Variants in ASAP2 observed in about 807,000 individuals in gnomAD.
ASAP2 encodes ArfGAP with SH3 domain, ankyrin repeat and PH domain 2.
In ASAP2, 45 loss-of-function variants were observed where a neutral mutation model predicts 131.4. That is an observed-to-expected ratio of 0.34 (90% confidence interval 0.27 to 0.44). The LOEUF (loss-of-function observed/expected upper bound fraction) is 0.44, where lower values mean the gene tolerates loss of function less well. Ranked by LOEUF, ASAP2 falls within the 20% of genes least tolerant of loss-of-function variation. ASAP2 has a pLI of 1.00. For synonymous variants in ASAP2, 510 were observed against 503.0 expected (o/e 1.01, Z -0.19); for missense variants, 1,011 against 1,297.0 (o/e 0.78, Z 3.39).
intron 26 of ASAP2, 45 bp downstream of exon 26, chr2:9,400,875 G>A (rs368550288): frequency 1.3e-6 from 2 of 1,572,650 alleles, no homozygotes; most frequent in Non-Finnish European, 1.7e-6. Context: ...CTAGCCAGGG[G>A]GGTGCAGGTG....
chr2:9,253,619 T>C (rs1402933360), intron 1 of ASAP2, among the ~76,000 whole-genome samples: 1 of 152,228 alleles, frequency 6.6e-6, no homozygotes, highest in Non-Finnish European at 1.5e-5. Context: ...CTTTCTGTCC[T>C]TACAATTTTG....
chr2:9,211,389 C>T (rs1266153123), intron 1 of ASAP2, among the ~76,000 whole-genome samples: 2 of 151,404 alleles, frequency 1.3e-5, no homozygotes, highest in African/African-American at 4.9e-5. Context: ...CCTTTTTTTT[C>T]TTCTTTTTTT....
intron 1 of ASAP2, among the ~76,000 whole-genome samples, chr2:9,247,520 G>A (rs948915512): frequency 7.9e-5 from 12 of 152,172 alleles, no homozygotes; most frequent in Non-Finnish European, 1.3e-4. Context: ...TGCTCGCTGC[G>A]TCTGTTATTA....
chr2:9,248,555 G>A (rs79560769), intron 1 of ASAP2, among the ~76,000 whole-genome samples: 1 of 151,898 alleles, frequency 6.6e-6, no homozygotes, highest in Non-Finnish European at 1.5e-5. Flanking sequence ...TTTGGGTCTC[G>A]GTTTCTTCCT....
rs926036964 is a variant in ASAP2, at chr2:9,232,860, T to TA, written c.126+25636dup. On this transcript the variant is annotated intron_variant, in intron 1 of 27. Coordinates refer to ENST00000281419, the MANE Select transcript of ASAP2 (RefSeq NM_003887.3). This position sits in a 1 kb window ranked among gnomAD's most constrained non-coding sequence, Gnocchi z 4.1. Reference sequence around the variant, plus strand: ...AGTTGAATTAGTGAGTGTAAATCCTTAAAAAAGTAAAAATATGTTTGTGCC... The same window carrying TA: ...AGTTGAATTAGTGAGTGTAAATCCTTAAAAAAAGTAAAAATATGTTTGTGCC... Among the ~76,000 whole-genome samples, 7 of 152,174 alleles carry TA rather than the reference T, an allele frequency of 4.6e-5. No individual in the cohort carries two copies. Among genetic ancestry groups the TA allele is most frequent in the African/African-American group, 1.7e-4 (7 of 41,436 alleles).
intron 3 of ASAP2, among the ~76,000 whole-genome samples, chr2:9,303,316 G>A (rs1668615663): frequency 6.6e-6 from 1 of 152,188 alleles, no homozygotes; most frequent in Non-Finnish European, 1.5e-5. Flanking sequence ...GTCCGTTTCT[G>A]ACATTTGCTT....
At chr2:9,299,069 T>A (rs939108460) in intron 3 of ASAP2, among the ~76,000 whole-genome samples, 7 of 152,176 alleles carry the variant, frequency 4.6e-5, no homozygotes, top group African/African-American at 1.7e-4. Flanking sequence ...CGAGGATTAA[T>A]TCTCAAGGCC....
At chr2:9,380,913 A>T in intron 20 of ASAP2, 105 bp downstream of exon 20, 1 of 1,212,234 alleles carries the variant, frequency 8.2e-7, no homozygotes, top group Non-Finnish European at 1.2e-6. Flanking sequence ...TCCTGAGCAG[A>T]GCTCAGTGTT....
chr2:9,346,392 C>T (rs574657164), intron 11 of ASAP2, among the ~76,000 whole-genome samples: 41 of 150,708 alleles, frequency 2.7e-4, no homozygotes, highest in Admixed American at 1.1e-3. Flanking sequence ...GCCGATATCA[C>T]GCCACTGCAC....
chr2:9,254,208 CAAAA>C (rs1167547534), intron 1 of ASAP2, among the ~76,000 whole-genome samples: 37 of 15,602 alleles, frequency 2.4e-3, no homozygotes, highest in African/African-American at 9.1e-3. Context: ...GAGACTGTCT[CAAAA>C]AAAAAAAAAA....
chr2:9,294,322 A>T (rs916098539), intron 2 of ASAP2, among the ~76,000 whole-genome samples: 2 of 152,006 alleles, frequency 1.3e-5, no homozygotes, highest in Admixed American at 6.5e-5. Flanking sequence ...AAAAGAAAAA[A>T]ACTTAACCTA....
chr2:9,231,327 C>G (rs1413973557), intron 1 of ASAP2, among the ~76,000 whole-genome samples: 1 of 152,216 alleles, frequency 6.6e-6, no homozygotes, highest in Non-Finnish European at 1.5e-5. Flanking sequence ...AAGCTTGCCT[C>G]TGACCTCAGC....
chr2:9,317,779 C>G (rs1031764615), intron 3 of ASAP2, among the ~76,000 whole-genome samples: 1 of 150,924 alleles, frequency 6.6e-6, no homozygotes, highest in Non-Finnish European at 1.5e-5. Context: ...CACACCCTCA[C>G]ACACCCATAC....
chr2:9,305,990 T>C (rs1267898665), intron 3 of ASAP2, among the ~76,000 whole-genome samples: 1 of 148,542 alleles, frequency 6.7e-6, no homozygotes, highest in East Asian at 2.0e-4. Flanking sequence ...GGTATAGATA[T>C]TGGTGTAGAG....
chr2:9,252,808 C>T (rs1156979316), intron 1 of ASAP2, among the ~76,000 whole-genome samples: 4 of 149,726 alleles, frequency 2.7e-5, no homozygotes, highest in African/African-American at 9.9e-5. Flanking sequence ...CCCAGCTACT[C>T]GGGAGGCTGA....
chr2:9,217,948 A>G lies in ASAP2; in HGVS notation c.126+10718A>G, dbSNP rs1011743853. Among the ~76,000 whole-genome samples the G allele has an allele frequency of 4.1e-4, 62 of 151,580 alleles. No individual in the cohort carries two copies. Among genetic ancestry groups the G allele is most frequent in the Non-Finnish European group, 4.7e-4 (32 of 67,906 alleles). On this transcript the variant is annotated intron_variant, in intron 1 of 27. Transcript: ENST00000281419. The surrounding 1 kb of genome is among the most constrained non-coding windows in gnomAD (Gnocchi z 4.0). Reference sequence around the variant, plus strand: ...TTTTACATGAAAAAATAATGATGACAATGCTTTAATTTCATTTCTCTGAGC... The same window carrying G: ...TTTTACATGAAAAAATAATGATGACGATGCTTTAATTTCATTTCTCTGAGC...
At position 9,207,072 on chromosome 2, in the gene ASAP2, G is replaced by A; in HGVS notation, c.-33G>A. On this transcript the variant is annotated 5_prime_UTR_variant, in exon 1 of 28. Coordinates refer to ENST00000281419, the MANE Select transcript of ASAP2 (RefSeq NM_003887.3). This position sits in a 1 kb window ranked among gnomAD's most constrained non-coding sequence, Gnocchi z 4.1. ...CGGCAGTTGAGGCGGCGGCGCCCCT[G>A]CGGCTGTGCGCCAGCGCCCTCGCGC... The A allele has an allele frequency of 1.3e-6, 2 of 1,516,380 alleles. No individual in the cohort carries two copies. Among genetic ancestry groups the A allele is most frequent in the Non-Finnish European group, 8.9e-7 (1 of 1,129,476 alleles). 93.9% of individuals were successfully genotyped at this position (1,516,380 alleles called of 1,614,324 possible).
chr2:9,231,203 C>T (rs1663136463), intron 1 of ASAP2, among the ~76,000 whole-genome samples: 1 of 152,110 alleles, frequency 6.6e-6, no homozygotes. Flanking sequence ...TGGGGTGAAT[C>T]CTTTCCCTTC....
chr2:9,337,078 CACAGACCAGA>C (rs1419424019), intron 9 of ASAP2, among the ~76,000 whole-genome samples: 2 of 152,242 alleles, frequency 1.3e-5, no homozygotes, highest in African/African-American at 4.8e-5. Flanking sequence ...AATTTACCAG[CACAGACCAGA>C]AGTTCTTTAT....
Sources: allele counts gnomAD v4.1 joint callset (sites outside exome capture counted in the v4.1 genomes callset), GRCh38; gene constraint gnomAD v4.1.1; non-coding constraint Gnocchi (gnomAD v3.1); transcripts MANE v1.5; gene names NCBI Gene and HGNC (gene_info 2026-07-23, HGNC 2026-07-21).